Variants in MPDZ observed in about 807,000 individuals in gnomAD.
MPDZ encodes the protein multiple PDZ domain protein.
MPDZ carries 234 observed loss-of-function variants against 239.1 expected under a neutral mutation model. The ratio of observed to expected loss-of-function variants is 0.98; its 90% CI spans 0.88 to 1.09. The LOEUF is 1.09. Ranked by LOEUF, MPDZ falls within the 50% of genes least tolerant of loss-of-function variation. The pLI is 0.00. For synonymous variants in MPDZ, 1,048 were observed against 881.3 expected, an observed-to-expected ratio of 1.19 and a Z score of -3.35; for missense variants, 3,175 against 2,510.0, an observed-to-expected ratio of 1.26 and a Z score of -5.66.
intron 36 of MPDZ, 106 bp downstream of exon 36, chr9:13,123,047 G>T: frequency 1.7e-6 from 2 of 1,163,866 alleles, no homozygotes; most frequent in Non-Finnish European, 2.3e-6. Flanking sequence ...AGGTTTTTTC[G>T]GCCTTCACAT....
chr9:13,151,836 A>G (rs907828844), intron 24 of MPDZ, among the ~76,000 whole-genome samples: 5 of 152,078 alleles, frequency 3.3e-5, no homozygotes, highest in Admixed American at 3.3e-4. Context: ...AAAATGTCAT[A>G]TATGTTAATT....
intron 10 of MPDZ, among the ~76,000 whole-genome samples, chr9:13,214,179 T>A (rs1035955975): frequency 6.6e-6 from 1 of 152,002 alleles, no homozygotes; most frequent in East Asian, 1.9e-4. Context: ...CGAATGTCCA[T>A]CAATTGATGA....
At position 13,187,502 on chromosome 9, in the gene MPDZ, A is replaced by C. The variant is rs529306145; in HGVS notation, c.2365-1116T>G. On this transcript the variant is annotated intron_variant, in intron 17 of 46. Coordinates refer to ENST00000319217, the MANE Select transcript of MPDZ (RefSeq NM_001378778.1). ...TTCCCATCCATAGTGCTCTTTTGTC[A>C]TAATTTTTACAAGCCTGGTTCGATT... Among the ~76,000 whole-genome samples, 4 of 152,240 alleles carry C rather than the reference A, an allele frequency of 2.6e-5. No homozygotes were observed. The South Asian group carries it at 6.2e-4, about 24-fold the overall frequency.
chr9:13,267,824 C>T (rs1018752591), intron 1 of MPDZ, among the ~76,000 whole-genome samples: 2 of 152,164 alleles, frequency 1.3e-5, no homozygotes, highest in African/African-American at 2.4e-5. Context: ...ACCAGGCTAA[C>T]AGAATATAGA....
intron 27 of MPDZ, 107 bp downstream of exon 27, chr9:13,143,359 C>T: frequency 3.6e-6 from 3 of 842,006 alleles, no homozygotes; most frequent in Admixed American, 2.4e-5. Context: ...TTTTTTTTTC[C>T]CTGCCCAAAT....
At chr9:13,149,360 T>C (rs116858096) in intron 25 of MPDZ, among the ~76,000 whole-genome samples, 20 of 152,158 alleles carry the variant, frequency 1.3e-4, no homozygotes, top group Non-Finnish European at 2.8e-4. Flanking sequence ...TTCCAGTGTG[T>C]AAGTTATATG....
intron 29 of MPDZ, among the ~76,000 whole-genome samples, chr9:13,137,285 T>TA (rs1170635356): frequency 6.6e-6 from 1 of 152,262 alleles, no homozygotes; most frequent in East Asian, 1.9e-4. Context: ...AAACTGTGCC[T>TA]AAACAGCACA....
intron 1 of MPDZ, among the ~76,000 whole-genome samples, chr9:13,278,150 G>A (rs1390936122): frequency 6.6e-6 from 1 of 152,222 alleles, no homozygotes; most frequent in Middle Eastern, 3.2e-3. Context: ...GGACGAGGCA[G>A]TCTGATCACT....
At chr9:13,110,845 T>TTTC in intron 43 of MPDZ, 105 bp from the exon 44 acceptor site, 1 of 659,734 alleles carries the variant, frequency 1.5e-6, no homozygotes, top group Non-Finnish European at 2.5e-6. Context: ...ATGACATATA[T>TTTC]ACTGCTACCA....
At chr9:13,110,591 T>A in intron 44 of MPDZ, 45 bp downstream of exon 44, 1 of 1,400,756 alleles carries the variant, frequency 7.1e-7, no homozygotes, top group Non-Finnish European at 1.0e-6. Flanking sequence ...TCATGTGTCT[T>A]CAGGCTACCT....
At chr9:13,126,460 T>G in intron 34 of MPDZ, 56 bp downstream of exon 34, 1 of 1,235,446 alleles carries the variant, frequency 8.1e-7, no homozygotes, top group Non-Finnish European at 1.2e-6. Flanking sequence ...CACAAACACT[T>G]TAATCATGCC....
At chr9:13,245,806 A>T (rs547984706) in intron 3 of MPDZ, among the ~76,000 whole-genome samples, 1 of 152,296 alleles carries the variant, frequency 6.6e-6, no homozygotes, top group African/African-American at 2.4e-5. Context: ...CTACTTCCAT[A>T]TGGAAATGGT....
chr9:13,183,457 G>T lies in MPDZ; in HGVS notation c.2610C>A (p.Gly870=). The T allele has an allele frequency of 6.2e-7, 1 of 1,611,332 alleles. No homozygotes were observed. The change falls in exon 19 of 47, where the codon GGC becomes GGA. Residue 870 remains glycine (G), a synonymous_variant. Coordinates refer to ENST00000319217, the MANE Select transcript of MPDZ (RefSeq NM_001378778.1). The part of the protein sequence containing the change: ...LSLHGSSCGD[G]LNYGSSLPSS... ...ATGGAAGGGAAGAACCATAGTTCAG[G>T]CCATCACCACAAGAACTGCCATGAA...
At chr9:13,232,971 A>C (rs939555652) in intron 3 of MPDZ, among the ~76,000 whole-genome samples, 1 of 152,102 alleles carries the variant, frequency 6.6e-6, no homozygotes, top group South Asian at 2.1e-4. Context: ...AATGCAAATT[A>C]AAACAATAAA....
chr9:13,174,774 G>T (rs916457311), intron 21 of MPDZ, among the ~76,000 whole-genome samples: 3 of 152,026 alleles, frequency 2.0e-5, no homozygotes, highest in African/African-American at 7.2e-5. Context: ...TAAACATAAC[G>T]TACATAAGAA....
intron 21 of MPDZ, among the ~76,000 whole-genome samples, chr9:13,173,914 G>C (rs766868310): frequency 4.6e-5 from 7 of 152,128 alleles, no homozygotes; most frequent in Non-Finnish European, 7.3e-5. Context: ...TGCAGCAGAA[G>C]TTCTGTGTCC....
At chr9:13,114,122 C>T in intron 40 of MPDZ, 101 bp from the exon 41 acceptor site, 1 of 884,902 alleles carries the variant, frequency 1.1e-6, no homozygotes, top group Non-Finnish European at 1.7e-6. Flanking sequence ...ACCTGTTAAG[C>T]AACAGTGGCA....
chr9:13,221,592 T>C (rs1298933816), intron 6 of MPDZ, 92 bp from the exon 7 acceptor site: 1 of 1,317,948 alleles, frequency 7.6e-7, no homozygotes, highest in Non-Finnish European at 1.0e-6. Context: ...ATTTTGTTAA[T>C]ATTAAATAAT....
intron 30 of MPDZ, 108 bp from the exon 31 acceptor site, chr9:13,136,290 T>C: frequency 2.1e-6 from 1 of 480,998 alleles, no homozygotes; most frequent in Non-Finnish European, 3.5e-6. Flanking sequence ...CCCCAAAACC[T>C]GGAACTGTGA....
Sources: allele counts gnomAD v4.1 joint callset (sites outside exome capture counted in the v4.1 genomes callset), GRCh38; gene constraint gnomAD v4.1.1; transcripts MANE v1.5; gene names NCBI Gene and HGNC (gene_info 2026-07-23, HGNC 2026-07-21).